PTPRD: variants seen among roughly 807,000 people sequenced by gnomAD.
PTPRD encodes the protein protein tyrosine phosphatase receptor type D.
A neutral mutation model predicts 214.5 loss-of-function variants in PTPRD; 34 were observed. The ratio of observed to expected loss-of-function variants is 0.16; its 90% CI spans 0.12 to 0.21. PTPRD has a LOEUF of 0.21. Among genes scored for constraint, PTPRD ranks in the 10% least tolerant of loss-of-function variants. PTPRD has a pLI of 1.00. For missense variants in PTPRD, 2,545 were observed against 2,398.7 expected (o/e 1.06, Z -1.27); for synonymous variants, 1,128 against 845.7 (o/e 1.33, Z -5.79).
At chr9:10,123,097 T>C (rs559929060) in intron 3 of PTPRD, among the ~76,000 whole-genome samples, 6 of 152,350 alleles carry the variant, frequency 3.9e-5, no homozygotes, top group African/African-American at 1.2e-4. Context: ...AAGCTGGACA[T>C]TTAATGCAAC....
At chr9:10,281,526 A>G (rs1033228926) in intron 3 of PTPRD, among the ~76,000 whole-genome samples, 3 of 152,212 alleles carry the variant, frequency 2.0e-5, no homozygotes, top group African/African-American at 4.8e-5. Context: ...GTCTCAAACT[A>G]TGGTTCATTT....
intron 11 of PTPRD, among the ~76,000 whole-genome samples, chr9:8,862,992 A>G (rs969164376): frequency 1.3e-5 from 2 of 152,190 alleles, no homozygotes; most frequent in Admixed American, 1.3e-4. Flanking sequence ...GGTGCAGCGC[A>G]CCAGCATGGC....
At chr9:8,525,063 A>C (rs369621191) in intron 17 of PTPRD, 28 bp from the exon 18 acceptor site, 3 of 1,559,368 alleles carry the variant, frequency 1.9e-6, no homozygotes, top group Non-Finnish European at 2.7e-6. Flanking sequence ...ATATTGCCAA[A>C]GAGATGATCA....
Position 9,434,838 on chromosome 9 carries a change from AT to A in PTPRD, c.-236-37357del, listed in dbSNP as rs974472053. On this transcript the variant is annotated intron_variant, in intron 8 of 45. Transcript: ENST00000381196. Reference sequence around the variant, plus strand: ...GTTACTCAAAGCCAGATTATATATTATTTTTATATAGTATAATATATAATCT... The same window carrying A: ...GTTACTCAAAGCCAGATTATATATTATTTTATATAGTATAATATATAATCT... 6.1e-5 allele frequency among the ~76,000 whole-genome samples: 9 copies of A among 148,640 alleles called. No homozygotes were observed. The East Asian group carries it at 1.8e-3, about 29-fold the overall frequency.
At chr9:8,446,255 T>C (rs1291623011) in intron 34 of PTPRD, among the ~76,000 whole-genome samples, 1 of 152,196 alleles carries the variant, frequency 6.6e-6, no homozygotes, top group East Asian at 1.9e-4. Context: ...GCTATATTTA[T>C]ATGAAATGGG....
intron 3 of PTPRD, among the ~76,000 whole-genome samples, chr9:10,275,296 G>T (rs570909292): frequency 6.6e-6 from 1 of 152,044 alleles, no homozygotes; most frequent in Non-Finnish European, 1.5e-5. Flanking sequence ...TTTATAAAAA[G>T]ATACCATATG....
At chr9:8,831,768 T>C (rs771648345) in intron 11 of PTPRD, among the ~76,000 whole-genome samples, 7 of 152,220 alleles carry the variant, frequency 4.6e-5, no homozygotes, top group Non-Finnish European at 8.8e-5. Flanking sequence ...GTATCACTTT[T>C]GTGAGTCAAC....
intron 5 of PTPRD, among the ~76,000 whole-genome samples, chr9:9,794,122 T>A (rs181483373): frequency 2.0e-5 from 3 of 151,604 alleles, no homozygotes; most frequent in African/African-American, 7.3e-5. Flanking sequence ...CAGATAAACA[T>A]CTATTAAAAC....
chr9:8,835,515 C>T (rs2097399217), intron 11 of PTPRD, among the ~76,000 whole-genome samples: 1 of 152,046 alleles, frequency 6.6e-6, no homozygotes, highest in Non-Finnish European at 1.5e-5. Flanking sequence ...TTTGCCCTGA[C>T]AAGTTTTACT....
At chr9:10,403,160 A>G (rs2098299350) in intron 2 of PTPRD, among the ~76,000 whole-genome samples, 1 of 146,526 alleles carries the variant, frequency 6.8e-6, no homozygotes, top group South Asian at 2.1e-4. Context: ...ATAAAAATAA[A>G]GCTTTGGCCT....
chr9:10,216,800 CACTTCTA>C (rs2099543386), intron 3 of PTPRD, among the ~76,000 whole-genome samples: 1 of 152,002 alleles, frequency 6.6e-6, no homozygotes, highest in East Asian at 1.9e-4. Flanking sequence ...GCAAGTGCAA[CACTTCTA>C]TCTCTTTCTA....
chr9:9,255,608 A>C (rs2099977379), intron 9 of PTPRD, among the ~76,000 whole-genome samples: 1 of 152,062 alleles, frequency 6.6e-6, no homozygotes, highest in Admixed American at 6.6e-5. Flanking sequence ...ACTCCCTCTC[A>C]GCACTTATAG....
At chr9:10,474,347 G>GA (rs920672730) in intron 2 of PTPRD, among the ~76,000 whole-genome samples, 8 of 148,946 alleles carry the variant, frequency 5.4e-5, no homozygotes, top group African/African-American at 1.2e-4. Flanking sequence ...CCTAGTCTCT[G>GA]AAAAAAAACA....
intron 3 of PTPRD, among the ~76,000 whole-genome samples, chr9:10,150,429 A>T (rs112127345): frequency 0.11 from 16,243 of 151,994 alleles, 1,133 homozygotes; most frequent in South Asian, 0.21. Context: ...TCAAACACTG[A>T]ATGTTCTCAC....
chr9:8,753,101 C>T (rs1452197069), intron 11 of PTPRD, among the ~76,000 whole-genome samples: 1 of 152,148 alleles, frequency 6.6e-6, no homozygotes, highest in African/African-American at 2.4e-5. Context: ...AAATCACTAG[C>T]TTTCAGATCT....
chr9:9,504,924 T>C (rs1478570800), intron 8 of PTPRD, among the ~76,000 whole-genome samples: 2 of 151,610 alleles, frequency 1.3e-5, no homozygotes, highest in Non-Finnish European at 3.0e-5. Flanking sequence ...TACTTAATAA[T>C]GATTGCAGTA....
intron 33 of PTPRD, among the ~76,000 whole-genome samples, chr9:8,453,068 G>C (rs2096023477): frequency 6.6e-6 from 1 of 152,134 alleles, no homozygotes; most frequent in Non-Finnish European, 1.5e-5. Context: ...CAGTTTATTT[G>C]TGTATAAAAT....
At chr9:9,114,866 G>A (rs1402638178) in intron 10 of PTPRD, among the ~76,000 whole-genome samples, 2 of 152,086 alleles carry the variant, frequency 1.3e-5, no homozygotes. Context: ...AAGCTCCCAT[G>A]CAGATTATAG....
intron 7 of PTPRD, among the ~76,000 whole-genome samples, chr9:9,608,895 C>T (rs2094348532): frequency 6.6e-6 from 1 of 152,180 alleles, no homozygotes; most frequent in African/African-American, 2.4e-5. Context: ...GTCTCCAACA[C>T]TTCATTTATT....
Sources: gnomAD v4.1 joint callset for allele counts (sites outside exome capture counted in the v4.1 genomes callset) on GRCh38, gnomAD v4.1.1 for gene constraint, MANE v1.5 for transcripts, NCBI Gene and HGNC (gene_info 2026-07-23, HGNC 2026-07-21) for gene names.